Variants in CIBAR2 observed in about 807,000 individuals in gnomAD.
The protein encoded by CIBAR2 is CBY1-interacting BAR domain-containing protein 2.
A neutral mutation model predicts 36.2 loss-of-function variants in CIBAR2; 38 were observed. The ratio of observed to expected loss-of-function variants is 1.05; its 90% confidence interval spans 0.81 to 1.38. CIBAR2 has a LOEUF of 1.38. Among genes scored for constraint, CIBAR2 ranks in the 40% most tolerant of loss-of-function variants. The pLI is 0.00. For synonymous variants in CIBAR2, 182 were observed against 149.5 expected (o/e 1.22, Z -1.58); for missense variants, 481 against 383.4 (o/e 1.25, Z -2.13).
chr16:85,102,794 G>T (rs62049956), intron 6 of CIBAR2, among the ~76,000 whole-genome samples: 9 of 151,992 alleles, frequency 5.9e-5, no homozygotes, highest in Admixed American at 1.3e-4. Context: ...GTGTATTCCC[G>T]CCTTGTTTCC....
In CIBAR2 at chr16:85,100,147, C is replaced by T. The variant is rs759998712; in HGVS notation, c.745G>A (p.Ala249Thr). ...CCCACCCACACGCTCACCTGGCTGG[C>T]GAGAGACTGAAGAACAGATGGAGGG... ...SPPPSVLQSLASQGTLQVQLS... is the reference protein window; with the variant it reads ...SPPPSVLQSLTSQGTLQVQLS... Residue 249 changes from alanine (A) to threonine (T), a missense_variant, in exon 8 of 9, where the codon GCC becomes ACC. Coordinates refer to ENST00000539556, the MANE Select transcript of CIBAR2 (RefSeq NM_198491.3). The T allele has an allele frequency of 8.7e-6, 14 of 1,608,920 alleles. No homozygotes were observed. Among genetic ancestry groups the T allele is most frequent in the East Asian group, 6.7e-5 (3 of 44,740 alleles).
intron 1 of CIBAR2, among the ~76,000 whole-genome samples, chr16:85,112,127 G>C (rs777960273): frequency 1.3e-5 from 2 of 152,192 alleles, no homozygotes; most frequent in Non-Finnish European, 2.9e-5. Context: ...AGCAGACGGA[G>C]GCCAGATTCT....
intron 6 of CIBAR2, among the ~76,000 whole-genome samples, chr16:85,104,027 T>G (rs993401137): frequency 1.4e-4 from 21 of 152,254 alleles, no homozygotes; most frequent in African/African-American, 5.1e-4. Flanking sequence ...ACGCAGTAGG[T>G]GTGCATTCCA....
intron 5 of CIBAR2, among the ~76,000 whole-genome samples, chr16:85,107,234 C>A (rs960659227): frequency 3.3e-5 from 5 of 152,280 alleles, no homozygotes; most frequent in Admixed American, 3.3e-4. Context: ...GACTAGCCCT[C>A]CTCCAGCTCT....
intron 5 of CIBAR2, among the ~76,000 whole-genome samples, chr16:85,107,351 G>A (rs544161239): frequency 1.4e-4 from 22 of 152,232 alleles, no homozygotes; most frequent in East Asian, 3.9e-4. Flanking sequence ...CCATAACTGT[G>A]TCTCTGTGAG....
intron 2 of CIBAR2, among the ~76,000 whole-genome samples, chr16:85,109,009 C>A (rs1006470965): frequency 1.3e-5 from 2 of 152,178 alleles, no homozygotes; most frequent in African/African-American, 4.8e-5. Context: ...TCCTGGTGCC[C>A]TGGTCTTCCT....
At chr16:85,099,821 T>A (rs1327655539) in intron 8 of CIBAR2, among the ~76,000 whole-genome samples, 2 of 97,952 alleles carry the variant, frequency 2.0e-5, no homozygotes, top group Non-Finnish European at 4.0e-5. Context: ...TTTTTTTTTT[T>A]AGTAGAGATG....
chr16:85,102,357 G>A, intron 6 of CIBAR2, 30 bp from the exon 7 acceptor site: 1 of 1,371,124 alleles, frequency 7.3e-7, no homozygotes, highest in Non-Finnish European at 1.0e-6. Context: ...AAGAATGTAA[G>A]CATCGCAGTG....
chr16:85,110,135 C>T (rs1316072026), intron 2 of CIBAR2, 91 bp downstream of exon 2: 3 of 974,996 alleles, frequency 3.1e-6, no homozygotes, highest in Admixed American at 2.5e-5. Flanking sequence ...TGGCTGTGGC[C>T]ACAGCAGGGC....
chr16:85,110,657 T>A (rs538759529), intron 1 of CIBAR2, among the ~76,000 whole-genome samples, 197 bp from the exon 2 acceptor site: 1 of 150,114 alleles, frequency 6.7e-6, no homozygotes, highest in South Asian at 2.1e-4. Context: ...CCTGGGCTGG[T>A]CAGTAGTGGG....
In CIBAR2 at chr16:85,100,242, T is replaced by C. The variant is rs1365006240; in HGVS notation, c.652-2A>G. The C allele has an allele frequency of 1.3e-6, 2 of 1,595,064 alleles. No individual in the cohort carries two copies. Among genetic ancestry groups the C allele is most frequent in the Admixed American group, 1.7e-5 (1 of 58,268 alleles). ...TCCTTGCATCTTGGCTCTAAAATCC[T>C]GCCGGGGAGAGACCAGGGTGGGTGG... is the stretch of plus-strand genomic sequence containing the variant. On this transcript the variant is annotated splice_acceptor_variant, in intron 7 of 8. Transcript: ENST00000539556. LOFTEE classifies it high-confidence loss of function.
At chr16:85,102,363 CA>C (rs753041551) in intron 6 of CIBAR2, 36 bp from the exon 7 acceptor site, 2 of 1,324,558 alleles carry the variant, frequency 1.5e-6, no homozygotes, top group Non-Finnish European at 2.2e-6. Flanking sequence ...GTAAGCATCG[CA>C]GTGAGAAAGA....
intron 8 of CIBAR2, 73 bp downstream of exon 8, chr16:85,100,066 G>C: frequency 1.7e-6 from 2 of 1,162,502 alleles, no homozygotes; most frequent in South Asian, 1.5e-5. Flanking sequence ...CTAATCCCTG[G>C]GGTTACTACC....
chr16:85,102,262 A>G lies in CIBAR2; in HGVS notation c.603T>C (p.Ser201=). The change falls in exon 7 of 9, where the codon TCT becomes TCC. Residue 201 remains serine (S), a synonymous_variant. Coordinates refer to ENST00000539556, the MANE Select transcript of CIBAR2 (RefSeq NM_198491.3). ...VFHAKAVEVY[S]SAFQTLEKYD... ...ACTTCTCCAGGGTCTGGAAGGCGCT[A>G]GAATACACCTCCACCGCTTTGGCAT... 1 of 1,613,756 alleles carries G rather than the reference A, an allele frequency of 6.2e-7. No individual in the cohort carries two copies. The highest frequency in any genetic ancestry group is 8.5e-7 in the Non-Finnish European group (1 of 1,179,676).
intron 5 of CIBAR2, among the ~76,000 whole-genome samples, chr16:85,106,709 A>T (rs1465276910): frequency 6.6e-6 from 1 of 152,200 alleles, no homozygotes; most frequent in Non-Finnish European, 1.5e-5. Flanking sequence ...CCCACGGTGA[A>T]CCTCTAACCT....
intron 6 of CIBAR2, 29 bp downstream of exon 6, chr16:85,105,298 C>A (rs377529884): frequency 7.1e-7 from 1 of 1,417,118 alleles, no homozygotes; most frequent in Admixed American, 1.7e-5. Flanking sequence ...CAGCCCAGGG[C>A]GCCTCCCATC....
rs1329856096 is a variant in CIBAR2, at chr16:85,110,419, G to A, written c.62C>T (p.Thr21Ile). The change falls in exon 2 of 9, where the codon ACC becomes ATC. Residue 21 changes from threonine to isoleucine, a missense_variant. Transcript: ENST00000539556. The stretch of plus-strand genomic sequence containing the variant: ...GCAGAACTGCCCAAAGTACTTCTCG[G>A]TGTTGGCCACGGTATTCTCCATCAC... ...VRVMENTVAN[T>I]EKYFGQFCSL... The A allele has an allele frequency of 6.2e-7, 1 of 1,611,834 alleles. No individual in the cohort carries two copies. The highest frequency in any genetic ancestry group is 1.7e-5 in the Admixed American group (1 of 59,708).
Position 85,110,352 on chromosome 16 carries a change from C to A in CIBAR2, c.129G>T (p.Arg43=). Residue 43 remains arginine, a synonymous_variant, in exon 2 of 9, where the codon CGG becomes CGT. Transcript: ENST00000539556. ...GCTTGACCAGCTGGTCCGCCTTGTC[C>A]CGCAGCCGGGCCGTCTTGCGCGTGT... is the stretch of plus-strand genomic sequence containing the variant. ...AAYTRKTARL[R]DKADQLVKQL... The A allele has an allele frequency of 1.2e-6, 2 of 1,613,558 alleles. No homozygotes were observed. Among genetic ancestry groups the A allele is most frequent in the Non-Finnish European group, 1.7e-6 (2 of 1,179,820 alleles).
Position 85,110,249 on chromosome 16 carries a change from C to A in CIBAR2, c.232G>T (p.Val78Leu). 1 of 1,582,250 alleles carries A rather than the reference C, an allele frequency of 6.3e-7. No individual in the cohort carries two copies. The highest frequency in any genetic ancestry group is 8.6e-7 in the Non-Finnish European group (1 of 1,160,932). ...MRGFAEDLAK[V>L]QDYRQAQVER... is the part of the protein sequence containing the mutation. ...ACCTGGGCCTGCCGGTAATCCTGCA[C>A]TTTGGCCAGGTCCTCAGCGAAGCCC... is the stretch of plus-strand genomic sequence containing the variant. Residue 78 changes from valine to leucine, a missense_variant, in exon 2 of 9, where the codon GTG (valine) becomes TTG (leucine). Transcript: ENST00000539556.
Sources: allele counts gnomAD v4.1 joint callset (sites outside exome capture counted in the v4.1 genomes callset), GRCh38; gene constraint gnomAD v4.1.1; transcripts MANE v1.5; gene names NCBI Gene and HGNC (gene_info 2026-07-23, HGNC 2026-07-21).